Variants in ANKRD31 observed in about 807,000 individuals in gnomAD.
ANKRD31 encodes ankyrin repeat domain 31, also known as ankyrin repeat domain-containing protein 31.
A neutral mutation model predicts 186.0 loss-of-function variants in ANKRD31; 147 were observed. The ratio of observed to expected loss-of-function variants is 0.79; its 90% CI spans 0.69 to 0.91. The LOEUF (loss-of-function observed/expected upper bound fraction) is 0.91, where lower values mean the gene tolerates loss of function less well. Ranked by LOEUF, ANKRD31 falls within the 40% of genes least tolerant of loss-of-function variation. The pLI is 0.00. For synonymous variants in ANKRD31, 673 were observed against 736.4 expected, an observed-to-expected ratio of 0.91 and a Z score of 1.39; for missense variants, 1,986 against 2,148.8, an observed-to-expected ratio of 0.92 and a Z score of 1.50.
chr5:75,191,250 T>C (rs1755089829), intron 9 of ANKRD31, among the ~76,000 whole-genome samples: 1 of 152,174 alleles, frequency 6.6e-6, no homozygotes, highest in South Asian at 2.1e-4. Context: ...TTAGTCTTTC[T>C]TTTCACCACA....
chr5:75,137,474 CT>C (rs1243388967), intron 17 of ANKRD31, among the ~76,000 whole-genome samples: 3 of 152,088 alleles, frequency 2.0e-5, no homozygotes, highest in African/African-American at 4.8e-5. Flanking sequence ...GTTTTTACCC[CT>C]AACCCACTGA....
intron 23 of ANKRD31, among the ~76,000 whole-genome samples, chr5:75,086,207 A>G (rs1267758973): frequency 6.6e-6 from 1 of 152,226 alleles, no homozygotes; most frequent in African/African-American, 2.4e-5. Flanking sequence ...GCTGGGCAAT[A>G]TAAGGTGACT....
Position 75,193,469 on chromosome 5 carries a change from A to G in ANKRD31, c.1140T>C (p.Thr380=). 2 of 1,537,368 alleles carry G rather than the reference A, an allele frequency of 1.3e-6. No homozygotes were observed. Among genetic ancestry groups the G allele is most frequent in the Non-Finnish European group, 1.7e-6 (2 of 1,146,810 alleles). ...NSVTNSSDQE[T]ACVLRRSSRL... ...TGGATGATCTCCTCAACACACACGC[A>G]GTTTCCTGATCAGAGCTATTTGTCA... The change falls in exon 8 of 26, where the codon ACT becomes ACC. Residue 380 remains threonine, a synonymous_variant. Transcript: ENST00000506364.
chr5:75,104,171 C>T, intron 22 of ANKRD31, 57 bp downstream of exon 22: 2 of 1,351,518 alleles, frequency 1.5e-6, no homozygotes, highest in Non-Finnish European at 2.0e-6. Flanking sequence ...GTGACAGCAA[C>T]ATTTACTCAC....
intron 12 of ANKRD31, 141 bp from the exon 13 acceptor site, chr5:75,148,769 A>G (rs1211243110): frequency 2.4e-5 from 13 of 545,448 alleles, no homozygotes; most frequent in Non-Finnish European, 3.8e-5. Context: ...AAATTGGCAC[A>G]TACAACATTC....
At chr5:75,160,754 A>G (rs549311657) in intron 11 of ANKRD31, among the ~76,000 whole-genome samples, 5 of 152,302 alleles carry the variant, frequency 3.3e-5, no homozygotes, top group Admixed American at 6.5e-5. Flanking sequence ...GGAGGGACGC[A>G]GTGGGAGATA....
intron 20 of ANKRD31, among the ~76,000 whole-genome samples, chr5:75,108,527 C>G (rs1747514367): frequency 1.3e-5 from 2 of 152,074 alleles, no homozygotes; most frequent in Admixed American, 1.3e-4. Context: ...TCACTTTCGG[C>G]TTTCTTTCTT....
chr5:75,225,798 G>A (rs1757590444), intron 2 of ANKRD31: 1 of 156,986 alleles, frequency 6.4e-6, no homozygotes, highest in Non-Finnish European at 1.4e-5. Flanking sequence ...AAGTAAAGGG[G>A]ACTTTGTCTT....
At chr5:75,094,796 T>C (rs1018349591) in intron 22 of ANKRD31, among the ~76,000 whole-genome samples, 1 of 152,020 alleles carries the variant, frequency 6.6e-6, no homozygotes, top group Non-Finnish European at 1.5e-5. Flanking sequence ...AGGAGACAGA[T>C]TTTAGATTCA....
chr5:75,107,431 T>C (rs1747415147), intron 21 of ANKRD31, 90 bp downstream of exon 21: 1 of 876,636 alleles, frequency 1.1e-6, no homozygotes, highest in Non-Finnish European at 1.7e-6. Context: ...AGTGTTTGTA[T>C]TCTTAAGAAA....
chr5:75,086,296 T>C (rs1243583803), intron 23 of ANKRD31, among the ~76,000 whole-genome samples: 1 of 152,130 alleles, frequency 6.6e-6, no homozygotes, highest in Non-Finnish European at 1.5e-5. Context: ...TATTTTCCAT[T>C]AGGTAGGAGT....
chr5:75,103,612 A>C (rs1747088235), intron 22 of ANKRD31, among the ~76,000 whole-genome samples: 1 of 152,258 alleles, frequency 6.6e-6, no homozygotes, highest in African/African-American at 2.4e-5. Flanking sequence ...ATGCCCATTG[A>C]TGATAGACCA....
At position 75,164,141 on chromosome 5, in the gene ANKRD31, A is replaced by G. The variant is rs181123301; in HGVS notation, c.1707+4838T>C. Among the ~76,000 whole-genome samples, 5 of 152,278 alleles carry G rather than the reference A, an allele frequency of 3.3e-5. No homozygotes were observed. In the East Asian group the frequency reaches 7.7e-4, roughly 24 times the overall value. On this transcript the variant is annotated intron_variant, in intron 11 of 25. Transcript: ENST00000506364. ...ACTGTGAGGACATTCAAGCAGCTCT[A>G]TGGAGGGGTCCATGTGGCAATGAAC... is the stretch of plus-strand genomic sequence containing the variant.
intron 17 of ANKRD31, among the ~76,000 whole-genome samples, chr5:75,134,324 A>C (rs1750359850): frequency 6.6e-6 from 1 of 152,214 alleles, no homozygotes; most frequent in Non-Finnish European, 1.5e-5. Context: ...AAAAATGATA[A>C]AGGTGATATC....
chr5:75,171,104 T>A (rs995392917), intron 10 of ANKRD31, among the ~76,000 whole-genome samples: 1 of 151,484 alleles, frequency 6.6e-6, no homozygotes, highest in Non-Finnish European at 1.5e-5. Flanking sequence ...ATAGAACAGC[T>A]GAACAACATT....
intron 17 of ANKRD31, among the ~76,000 whole-genome samples, chr5:75,135,002 T>C (rs1461227011): frequency 6.6e-6 from 1 of 152,176 alleles, no homozygotes; most frequent in Non-Finnish European, 1.5e-5. Flanking sequence ...AACTAGGTAT[T>C]GATGGGACGT....
intron 20 of ANKRD31, among the ~76,000 whole-genome samples, chr5:75,111,610 C>T (rs1389881669): frequency 3.0e-4 from 46 of 152,114 alleles, no homozygotes; most frequent in Non-Finnish European, 5.9e-5. Flanking sequence ...AATTACCTTA[C>T]TTTTAGCTAC....
chr5:75,185,900 GGAAA>G (rs1561516672), intron 10 of ANKRD31, among the ~76,000 whole-genome samples: 3 of 151,862 alleles, frequency 2.0e-5, no homozygotes, highest in African/African-American at 7.3e-5. Context: ...TCCAATTCCA[GGAAA>G]AACAATGACT....
At chr5:75,173,170 T>A (rs888643087) in intron 10 of ANKRD31, among the ~76,000 whole-genome samples, 5 of 152,036 alleles carry the variant, frequency 3.3e-5, no homozygotes, top group Non-Finnish European at 7.4e-5. Context: ...AGAAAAGGCC[T>A]TCAAAAAAAT....
Sources: allele counts gnomAD v4.1 joint callset (sites outside exome capture counted in the v4.1 genomes callset), GRCh38; gene constraint gnomAD v4.1.1; transcripts MANE v1.5; gene names NCBI Gene and HGNC (gene_info 2026-07-23, HGNC 2026-07-21).